Variants in CLVS2 observed in about 807,000 individuals in gnomAD.
CLVS2 encodes the protein clavesin-2.
CLVS2 carries 19 observed loss-of-function variants against 29.0 expected under a neutral mutation model. The observed-to-expected ratio is 0.66, with a 90% CI of 0.46 to 0.96. The LOEUF is 0.96. Ranked by LOEUF, CLVS2 falls within the 40% of genes least tolerant of loss-of-function variation. The pLI is 0.00. For synonymous variants in CLVS2, 161 were observed against 151.3 expected, an observed-to-expected ratio of 1.06 and a Z score of -0.47; for missense variants, 294 against 404.1, an observed-to-expected ratio of 0.73 and a Z score of 2.34.
At chr6:123,024,375 C>T (rs917168738) in intron 3 of CLVS2, among the ~76,000 whole-genome samples, 1 of 152,112 alleles carries the variant, frequency 6.6e-6, no homozygotes, top group Admixed American at 6.5e-5. Flanking sequence ...ACTGAAACCA[C>T]ATGAAGAGAT....
At chr6:123,014,789 T>A (rs544899540) in intron 3 of CLVS2, among the ~76,000 whole-genome samples, 1 of 152,220 alleles carries the variant, frequency 6.6e-6, no homozygotes, top group Admixed American at 6.6e-5. Flanking sequence ...CATAGTATTC[T>A]TTTGGTGCTC....
Position 123,066,222 on chromosome 6 carries a change from T to A in CLVS2, c.*2461T>A, listed in dbSNP as rs550588737. Reference sequence around the variant, plus strand: ...CCAGCTATCTAGCACTGTTTAGGAATTTTTCCCTTCATGATATTCTGTGTC... The same window carrying A: ...CCAGCTATCTAGCACTGTTTAGGAAATTTTCCCTTCATGATATTCTGTGTC... On this transcript the variant is annotated 3_prime_UTR_variant, in exon 6 of 6. Transcript: ENST00000275162. 6.6e-6 allele frequency: 1 copy of A among 151,882 alleles called. No individual in the cohort carries two copies. The highest frequency in any genetic ancestry group is 1.9e-4 in the East Asian group (1 of 5,184). 9.4% of individuals were successfully genotyped at this position (151,882 alleles called of 1,614,324 possible).
At chr6:123,005,641 G>C (rs754864597) in intron 2 of CLVS2, among the ~76,000 whole-genome samples, 13 of 152,158 alleles carry the variant, frequency 8.5e-5, no homozygotes, top group Non-Finnish European at 1.2e-4. Context: ...GAGAACCCCA[G>C]CAAAGAAGCA....
At chr6:122,999,390 A>G (rs747620817) in intron 2 of CLVS2, among the ~76,000 whole-genome samples, 10 of 152,052 alleles carry the variant, frequency 6.6e-5, no homozygotes, top group Non-Finnish European at 1.5e-4. Context: ...CAATCACTCC[A>G]ATTTTTTTAG....
At chr6:123,018,450 A>C (rs1454260180) in intron 3 of CLVS2, among the ~76,000 whole-genome samples, 1 of 151,976 alleles carries the variant, frequency 6.6e-6, no homozygotes, top group Non-Finnish European at 1.5e-5. Context: ...TATTCATTTC[A>C]TTTTTATAAA....
chr6:123,057,973 A>G (rs1772719776), intron 5 of CLVS2, among the ~76,000 whole-genome samples: 1 of 152,174 alleles, frequency 6.6e-6, no homozygotes, highest in East Asian at 1.9e-4. Flanking sequence ...TATGTCATGC[A>G]TATATTTTCT....
chr6:123,041,179 A>G lies in CLVS2; in HGVS notation c.565-7443A>G, dbSNP rs1048011504. ...CATAAAGAAAAACTTGAAGGACTTA[A>G]TAAAAGGATAGTTCTGAGTTGCAGG... On this transcript the variant is annotated intron_variant, in intron 3 of 5. Coordinates refer to ENST00000275162, the MANE Select transcript of CLVS2 (RefSeq NM_001010852.4). Among the ~76,000 whole-genome samples the G allele has an allele frequency of 6.6e-5, 10 of 152,204 alleles. No homozygotes were observed. The South Asian group carries it at 8.3e-4, about 13-fold the overall frequency.
At chr6:123,046,037 T>C (rs1772503393) in intron 3 of CLVS2, among the ~76,000 whole-genome samples, 1 of 152,092 alleles carries the variant, frequency 6.6e-6, no homozygotes, top group Non-Finnish European at 1.5e-5. Context: ...GAAAATGACA[T>C]GCACTTGGGC....
intron 3 of CLVS2, among the ~76,000 whole-genome samples, chr6:123,032,279 C>A (rs973344151): frequency 6.6e-6 from 1 of 151,998 alleles, no homozygotes; most frequent in Non-Finnish European, 1.5e-5. Context: ...CTCCAGTTAT[C>A]TCACTATTTG....
rs772481479 is a variant in CLVS2, at chr6:123,063,772, A to G, written c.*11A>G. 8 of 1,548,216 alleles carry G rather than the reference A, an allele frequency of 5.2e-6. No homozygotes were observed. Among genetic ancestry groups the G allele is most frequent in the South Asian group, 1.1e-5 (1 of 89,548 alleles). The stretch of plus-strand genomic sequence containing the variant: ...CTTTCTCTGGACTAATAACTTCTCT[A>G]CATCCCCTTCATGGATTAGAAATGG... On this transcript the variant is annotated 3_prime_UTR_variant, in exon 6 of 6. Coordinates refer to ENST00000275162, the MANE Select transcript of CLVS2 (RefSeq NM_001010852.4).
rs1772947624 is a variant in CLVS2 at position 123,071,484 on chromosome 6, T to C, written c.*7723T>C. 6.6e-6 allele frequency: 1 copy of C among 152,024 alleles called. No homozygotes were observed. The highest frequency in any genetic ancestry group is 1.5e-5 in the Non-Finnish European group (1 of 67,930). The allele number at this position is 152,024 out of a possible 1,614,324, so 9.4% of individuals were successfully genotyped here. On this transcript the variant is annotated 3_prime_UTR_variant, in exon 6 of 6. Coordinates refer to ENST00000275162, the MANE Select transcript of CLVS2 (RefSeq NM_001010852.4). ...CCACATGGCTTACTCTTGGAGAGACTACAAGATAGCTCAGGGGAAAAGTCA... is the reference window on the plus strand; with the variant it reads ...CCACATGGCTTACTCTTGGAGAGACCACAAGATAGCTCAGGGGAAAAGTCA...
intron 3 of CLVS2, among the ~76,000 whole-genome samples, chr6:123,027,102 G>C (rs754398041): frequency 2.0e-5 from 3 of 152,104 alleles, no homozygotes; most frequent in Non-Finnish European, 2.9e-5. Context: ...GTGAAGAGTT[G>C]ATCAAAGGAA....
At chr6:123,044,716 C>G (rs1269935249) in intron 3 of CLVS2, among the ~76,000 whole-genome samples, 1 of 152,062 alleles carries the variant, frequency 6.6e-6, no homozygotes, top group Non-Finnish European at 1.5e-5. Context: ...CTAGTCTTGT[C>G]TTTGTCCTGA....
At chr6:123,015,388 C>T (rs1018977424) in intron 3 of CLVS2, among the ~76,000 whole-genome samples, 2 of 151,986 alleles carry the variant, frequency 1.3e-5, no homozygotes, top group African/African-American at 4.8e-5. Flanking sequence ...CTGGAGAACC[C>T]CATACCACCT....
chr6:123,064,676 A>G lies in CLVS2; in HGVS notation c.*915A>G, dbSNP rs1582668660. The stretch of plus-strand genomic sequence containing the variant: ...GTTGTGCACTGGTTAAAAAGTATAT[A>G]TATATATATATTCACACATATATAT... On this transcript the variant is annotated 3_prime_UTR_variant, in exon 6 of 6. Transcript: ENST00000275162. The G allele has an allele frequency of 6.6e-6, 1 of 151,630 alleles. No homozygotes were observed. Among genetic ancestry groups the G allele is most frequent in the African/African-American group, 2.4e-5 (1 of 41,294 alleles). 9.4% of individuals were successfully genotyped at this position (151,630 alleles called of 1,614,324 possible).
chr6:123,064,426 A>G lies in CLVS2; in HGVS notation c.*665A>G, dbSNP rs1011973001. 1 of 151,992 alleles carries G rather than the reference A, an allele frequency of 6.6e-6. No individual in the cohort carries two copies. The highest frequency in any genetic ancestry group is 1.5e-5 in the Non-Finnish European group (1 of 67,902). 9.4% of individuals were successfully genotyped at this position (151,992 alleles called of 1,614,324 possible). A position where few individuals can be genotyped will look rare whatever the true frequency, so the allele number is the denominator to read the frequency against. ...TCTTGTGAAAAGATGTGTTTCCTCAATTAAGACGTAGAAATGTAAAAAAGA... is the reference window on the plus strand; with the variant it reads ...TCTTGTGAAAAGATGTGTTTCCTCAGTTAAGACGTAGAAATGTAAAAAAGA... On this transcript the variant is annotated 3_prime_UTR_variant, in exon 6 of 6. Transcript: ENST00000275162.
intron 3 of CLVS2, among the ~76,000 whole-genome samples, chr6:123,041,956 A>G (rs186769107): frequency 3.7e-3 from 561 of 152,304 alleles, no homozygotes; most frequent in Middle Eastern, 0.024. Flanking sequence ...CGTATTTCAA[A>G]AATTGAATAT....
At chr6:122,999,880 T>C (rs1319120450) in intron 2 of CLVS2, among the ~76,000 whole-genome samples, 1 of 152,168 alleles carries the variant, frequency 6.6e-6, no homozygotes, top group African/African-American at 2.4e-5. Flanking sequence ...TATTCATAAT[T>C]ATTTGTAAAC....
intron 3 of CLVS2, among the ~76,000 whole-genome samples, chr6:123,028,510 A>C (rs1386692561): frequency 6.6e-6 from 1 of 152,190 alleles, no homozygotes; most frequent in Non-Finnish European, 1.5e-5. Flanking sequence ...ACAAACAAAC[A>C]AACCAAACAA....
Sources: gnomAD v4.1 joint callset for allele counts (sites outside exome capture counted in the v4.1 genomes callset) on GRCh38, gnomAD v4.1.1 for gene constraint, MANE v1.5 for transcripts, NCBI Gene and HGNC (gene_info 2026-07-23, HGNC 2026-07-21) for gene names.